Variants in AHI1 observed in about 807,000 individuals in gnomAD.
AHI1 encodes the protein Abelson helper integration site 1.
In AHI1, 123 loss-of-function variants were observed where a neutral mutation model predicts 149.3. The ratio of observed to expected loss-of-function variants is 0.82; its 90% CI spans 0.71 to 0.96. AHI1 has a LOEUF of 0.96. Among genes scored for constraint, AHI1 ranks in the 40% least tolerant of loss-of-function variants. The pLI is 0.00. For synonymous variants in AHI1, 475 were observed against 459.8 expected, an observed-to-expected ratio of 1.03 and a Z score of -0.42; for missense variants, 1,439 against 1,422.7, an observed-to-expected ratio of 1.01 and a Z score of -0.18.
intron 24 of AHI1, among the ~76,000 whole-genome samples, chr6:135,356,727 T>C (rs943542091): frequency 6.6e-6 from 1 of 152,204 alleles, no homozygotes; most frequent in African/African-American, 2.4e-5. Flanking sequence ...TTAGCATACT[T>C]ACTAAAGGAT....
intron 2 of AHI1, among the ~76,000 whole-genome samples, chr6:135,496,684 G>A (rs1397706530): frequency 6.6e-6 from 1 of 151,990 alleles, no homozygotes; most frequent in Non-Finnish European, 1.5e-5. Flanking sequence ...AATATCATTG[G>A]GAGAAAAAAC....
rs2128420314 is a variant in AHI1, at chr6:135,347,504, G to A, written c.3165+10628C>T. 1.3e-5 allele frequency among the ~76,000 whole-genome samples: 2 copies of A among 152,188 alleles called. 1 individual carries two copies. Among genetic ancestry groups the A allele is most frequent in the South Asian group, 4.2e-4 (2 of 4,816 alleles). ...TGAATTAACATATTAAATCTAAATG[G>A]TTCTAGAAGACGCTTGAAGACCTTT... is the stretch of plus-strand genomic sequence containing the variant. On this transcript the variant is annotated intron_variant, in intron 24 of 28. Coordinates refer to ENST00000265602, the MANE Select transcript of AHI1 (RefSeq NM_001134831.2).
chr6:135,394,796 T>C lies in AHI1; in HGVS notation c.3089A>G (p.Gln1030Arg). Residue 1030 changes from glutamine to arginine, a missense_variant, in exon 23 of 29, where the codon CAG (glutamine) becomes CGG (arginine). Physicochemically the swap from Gln to Arg is conservative, Grantham distance 43 (BLOSUM62 1). Transcript: ENST00000265602. ...NMLTAQEILH[Q>R]FGFTQTGIIS... ...CTCACCGGTCTGAGTGAAACCAAAC[T>C]GATGTAGAATCTCTTGAGCGGTCAG... 6.2e-7 allele frequency: 1 copy of C among 1,610,202 alleles called. No individual in the cohort carries two copies. The highest frequency in any genetic ancestry group is 8.5e-7 in the Non-Finnish European group (1 of 1,177,886).
At chr6:135,312,728 T>C (rs1785386904) in intron 26 of AHI1, among the ~76,000 whole-genome samples, 1 of 152,208 alleles carries the variant, frequency 6.6e-6, no homozygotes, top group South Asian at 2.1e-4. Flanking sequence ...TGCTCCTAAT[T>C]AGCAGCATCA....
intron 5 of AHI1, among the ~76,000 whole-genome samples, chr6:135,475,346 C>T (rs1391287712): frequency 6.6e-6 from 1 of 152,152 alleles, no homozygotes; most frequent in Non-Finnish European, 1.5e-5. Context: ...AATTCATGAG[C>T]CTGGGTTGCT....
chr6:135,461,170 T>A (rs982824200), intron 8 of AHI1, among the ~76,000 whole-genome samples: 7 of 152,040 alleles, frequency 4.6e-5, no homozygotes, highest in African/African-American at 1.7e-4. Context: ...GGTATTTATA[T>A]CTGAGAATAA....
intron 5 of AHI1, among the ~76,000 whole-genome samples, chr6:135,480,966 C>G (rs1035832110): frequency 6.6e-6 from 1 of 152,184 alleles, no homozygotes; most frequent in Non-Finnish European, 1.5e-5. Flanking sequence ...ACACTTTCAT[C>G]CTGAAACCAT....
chr6:135,430,980 T>C (rs1480548534), intron 17 of AHI1, among the ~76,000 whole-genome samples: 1 of 151,984 alleles, frequency 6.6e-6, no homozygotes, highest in African/African-American at 2.4e-5. Flanking sequence ...AAATGGGGTA[T>C]AAAAAAGTGA....
At position 135,292,346 on chromosome 6, in the gene AHI1, CTCTT is replaced by C. The variant is rs1255075575; in HGVS notation, c.3486-1825_3486-1822del. On this transcript the variant is annotated intron_variant, in intron 27 of 28. Coordinates refer to ENST00000265602, the MANE Select transcript of AHI1 (RefSeq NM_001134831.2). ...CTAGGAAGATCAGACTGTAGTGATCCTCTTTCTTCTTTTATCTCTCACAATCTAT... is the reference window on the plus strand; with the variant it reads ...CTAGGAAGATCAGACTGTAGTGATCCTCTTCTTTTATCTCTCACAATCTAT... Among the ~76,000 whole-genome samples the C allele has an allele frequency of 2.6e-5, 4 of 152,166 alleles. No individual in the cohort carries two copies. The East Asian group carries it at 7.7e-4, about 29-fold the overall frequency.
intron 13 of AHI1, among the ~76,000 whole-genome samples, chr6:135,443,966 A>C (rs1379570275): frequency 6.6e-6 from 1 of 152,174 alleles, no homozygotes; most frequent in Non-Finnish European, 1.5e-5. Flanking sequence ...TCTGTGCCCA[A>C]TCACCTAGGC....
At chr6:135,363,673 G>GA (rs1794307373) in intron 23 of AHI1, among the ~76,000 whole-genome samples, 1 of 149,882 alleles carries the variant, frequency 6.7e-6, no homozygotes, top group African/African-American at 2.5e-5. Context: ...TGGCCGGGCG[G>GA]GGGGCTGACC....
At chr6:135,486,180 G>A (rs1794443567) in intron 5 of AHI1, among the ~76,000 whole-genome samples, 1 of 152,148 alleles carries the variant, frequency 6.6e-6, no homozygotes, top group Non-Finnish European at 1.5e-5. Flanking sequence ...ACGATGAAAA[G>A]ACATCTTCCC....
intron 24 of AHI1, among the ~76,000 whole-genome samples, chr6:135,349,226 G>A (rs571602007): frequency 4.6e-5 from 7 of 152,246 alleles, no homozygotes; most frequent in African/African-American, 1.7e-4. Flanking sequence ...GGCCTCAAGC[G>A]ATCCTCCCGC....
chr6:135,371,104 A>C (rs974995733), intron 23 of AHI1, among the ~76,000 whole-genome samples: 8 of 152,154 alleles, frequency 5.3e-5, no homozygotes, highest in African/African-American at 1.7e-4. Flanking sequence ...AATGCATGGG[A>C]ATTTGTAGAA....
chr6:135,446,335 A>G (rs1787211571), intron 13 of AHI1, among the ~76,000 whole-genome samples: 2 of 152,228 alleles, frequency 1.3e-5, no homozygotes, highest in Admixed American at 6.5e-5. Context: ...GTGCATGCAC[A>G]AAGATCATGT....
At chr6:135,339,304 G>T (rs766986199) in intron 24 of AHI1, among the ~76,000 whole-genome samples, 1 of 152,108 alleles carries the variant, frequency 6.6e-6, no homozygotes, top group African/African-American at 2.4e-5. Flanking sequence ...AAGGAAAGAG[G>T]AAAGTATGTC....
chr6:135,295,347 A>G (rs1257982571), intron 27 of AHI1, among the ~76,000 whole-genome samples: 1 of 152,248 alleles, frequency 6.6e-6, no homozygotes, highest in Non-Finnish European at 1.5e-5. Context: ...ACAATTTGGC[A>G]GTTTCTTAAA....
intron 5 of AHI1, among the ~76,000 whole-genome samples, chr6:135,482,222 C>T (rs898218832): frequency 6.6e-6 from 1 of 152,104 alleles, no homozygotes; most frequent in African/African-American, 2.4e-5. Context: ...CATTGGTGTT[C>T]TCTTCCTCCT....
At chr6:135,366,354 A>G (rs1404153132) in intron 23 of AHI1, among the ~76,000 whole-genome samples, 1 of 152,058 alleles carries the variant, frequency 6.6e-6, no homozygotes, top group Non-Finnish European at 1.5e-5. Flanking sequence ...TAGTGTCAGG[A>G]GGATTGGTAA....
Sources: gnomAD v4.1 joint callset for allele counts (sites outside exome capture counted in the v4.1 genomes callset) on GRCh38, gnomAD v4.1.1 for gene constraint, MANE v1.5 for transcripts, NCBI Gene and HGNC (gene_info 2026-07-23, HGNC 2026-07-21) for gene names.